Variants in GRM1 observed in about 807,000 individuals in gnomAD.
The protein encoded by GRM1 is glutamate metabotropic receptor 1.
Under a neutral mutation model 90.9 loss-of-function variants are expected in GRM1, and 33 were observed. That is an observed-to-expected ratio of 0.36 (90% CI 0.28 to 0.49). GRM1 has a LOEUF of 0.49. GRM1 is among the 20% of genes least tolerant of loss of function. GRM1 has a pLI of 0.99. For missense variants in GRM1, 1,190 were observed against 1,534.3 expected, an observed-to-expected ratio of 0.78 and a Z score of 3.75; for synonymous variants, 700 against 613.2, an observed-to-expected ratio of 1.14 and a Z score of -2.09.
chr6:146,247,614 G>C (rs1328684483), intron 2 of GRM1, among the ~76,000 whole-genome samples: 1 of 151,570 alleles, frequency 6.6e-6, no homozygotes, highest in Non-Finnish European at 1.5e-5. Context: ...AGTCGAGCAT[G>C]ATGGGGCACG....
At chr6:146,247,586 T>C (rs781299582) in intron 2 of GRM1, among the ~76,000 whole-genome samples, 6 of 151,648 alleles carry the variant, frequency 4.0e-5, no homozygotes, top group Non-Finnish European at 8.8e-5. Flanking sequence ...CTGACTCTAG[T>C]AAAGATACAA....
intron 3 of GRM1, among the ~76,000 whole-genome samples, chr6:146,335,276 T>C (rs1273999552): frequency 6.6e-6 from 1 of 152,166 alleles, no homozygotes; most frequent in Non-Finnish European, 1.5e-5. Context: ...GTAATGTTCT[T>C]TCTTCCAGCT....
intron 1 of GRM1, among the ~76,000 whole-genome samples, chr6:146,110,754 G>T (rs1302071285): frequency 1.3e-5 from 2 of 152,046 alleles, no homozygotes; most frequent in African/African-American, 2.4e-5. Context: ...GTTTTGTATG[G>T]TTATTTAACT....
At chr6:146,137,282 T>C (rs1465350297) in intron 1 of GRM1, among the ~76,000 whole-genome samples, 1 of 152,216 alleles carries the variant, frequency 6.6e-6, no homozygotes, top group Non-Finnish European at 1.5e-5. Flanking sequence ...TTTATTTTAG[T>C]AGCTTTATAA....
At chr6:146,371,896 G>C (rs1775915448) in intron 5 of GRM1, among the ~76,000 whole-genome samples, 1 of 151,920 alleles carries the variant, frequency 6.6e-6, no homozygotes, top group Non-Finnish European at 1.5e-5. Context: ...CCAAATCTTA[G>C]CTATTAGAAA....
chr6:146,247,750 C>CAA (rs770414091), intron 2 of GRM1, among the ~76,000 whole-genome samples: 910 of 57,284 alleles, frequency 0.016, 33 homozygotes, highest in East Asian at 0.13. Flanking sequence ...GACTCCATCT[C>CAA]AAAAAAAAAA....
chr6:146,161,735 C>T (rs1301903568), intron 2 of GRM1, among the ~76,000 whole-genome samples: 1 of 152,176 alleles, frequency 6.6e-6, no homozygotes, highest in Admixed American at 6.5e-5. Flanking sequence ...TTCTTCTGGG[C>T]TACTTTCCAC....
chr6:146,156,368 T>C (rs912497297), intron 1 of GRM1, among the ~76,000 whole-genome samples: 1 of 152,126 alleles, frequency 6.6e-6, no homozygotes, highest in African/African-American at 2.4e-5. Flanking sequence ...ATCGTGCCAC[T>C]GCACTCCAGC....
intron 7 of GRM1, among the ~76,000 whole-genome samples, chr6:146,416,354 C>G (rs1777783377): frequency 6.6e-6 from 1 of 151,694 alleles, no homozygotes; most frequent in South Asian, 2.1e-4. Flanking sequence ...TAATATTCAA[C>G]TTTCTCCTGT....
intron 5 of GRM1, among the ~76,000 whole-genome samples, chr6:146,366,145 A>AAATG (rs927243465): frequency 3.3e-5 from 5 of 152,194 alleles, no homozygotes; most frequent in South Asian, 2.1e-4. Context: ...TGCATATTTC[A>AAATG]AATGAATGAA....
At chr6:146,420,987 A>T (rs917251874) in intron 7 of GRM1, among the ~76,000 whole-genome samples, 1 of 152,310 alleles carries the variant, frequency 6.6e-6, no homozygotes, top group Admixed American at 6.5e-5. Flanking sequence ...ATTCATCAGG[A>T]TAACAACATC....
chr6:146,408,015 G>A (rs545096466), intron 7 of GRM1, among the ~76,000 whole-genome samples: 1 of 152,284 alleles, frequency 6.6e-6, no homozygotes, highest in East Asian at 1.9e-4. Flanking sequence ...GGTGACTTAA[G>A]AGCAGAAATA....
At chr6:146,075,249 A>G (rs1308355614) in intron 1 of GRM1, among the ~76,000 whole-genome samples, 2 of 152,226 alleles carry the variant, frequency 1.3e-5, no homozygotes, top group Non-Finnish European at 2.9e-5. Context: ...TAGAAAGCCC[A>G]GTGTTACACT....
chr6:146,171,224 T>C, intron 2 of GRM1: 1 of 152,328 alleles, frequency 6.6e-6, no homozygotes, highest in Non-Finnish European at 1.5e-5. Flanking sequence ...TTTTCTGTTT[T>C]CTACTATAAT....
chr6:146,118,343 GT>G (rs1335533673), intron 1 of GRM1, among the ~76,000 whole-genome samples: 3 of 151,954 alleles, frequency 2.0e-5, no homozygotes, highest in African/African-American at 7.3e-5. Context: ...GTTTCACCGT[GT>G]TAGCCAGGAT....
chr6:146,239,572 T>G (rs773928715), intron 2 of GRM1, among the ~76,000 whole-genome samples: 43 of 152,236 alleles, frequency 2.8e-4, no homozygotes, highest in Middle Eastern at 6.8e-3. Flanking sequence ...TATGCCAGTG[T>G]CTGTGCTGTA....
At chr6:146,352,181 G>C (rs1388508345) in intron 3 of GRM1, 69 bp from the exon 4 acceptor site, 48 of 1,529,904 alleles carry the variant, frequency 3.1e-5, no homozygotes, top group Non-Finnish European at 4.2e-5. Flanking sequence ...AAAAGCATTT[G>C]AGAATTAAAC....
intron 1 of GRM1, among the ~76,000 whole-genome samples, chr6:146,042,128 A>G (rs1226563448): frequency 1.3e-5 from 2 of 152,042 alleles, no homozygotes; most frequent in Admixed American, 1.3e-4. Flanking sequence ...AATCAAATTC[A>G]AAAGTCTCTA....
At chr6:146,134,732 C>A (rs9497454) in intron 1 of GRM1, among the ~76,000 whole-genome samples, 10,068 of 152,116 alleles carry the variant, frequency 0.066, 514 homozygotes, top group African/African-American at 0.14. Flanking sequence ...ATATTGAGAC[C>A]ATCCTGACTA....
Sources: gnomAD v4.1 joint callset for allele counts (sites outside exome capture counted in the v4.1 genomes callset) on GRCh38, gnomAD v4.1.1 for gene constraint, MANE v1.5 for transcripts, NCBI Gene and HGNC (gene_info 2026-07-23, HGNC 2026-07-21) for gene names.